NALF1: variants seen among roughly 807,000 people sequenced by gnomAD.
The protein encoded by NALF1 is family with sequence similarity 155 member A.
NALF1 carries 3 observed loss-of-function variants against 48.4 expected under a neutral mutation model. That is an observed-to-expected ratio of 0.06 (90% CI 0.03 to 0.16). NALF1 has a LOEUF of 0.16. Among genes scored for constraint, NALF1 ranks in the 10% least tolerant of loss-of-function variants. The pLI is 1.00. For synonymous variants in NALF1, 262 were observed against 245.7 expected, an observed-to-expected ratio of 1.07 and a Z score of -0.62; for missense variants, 526 against 571.5, an observed-to-expected ratio of 0.92 and a Z score of 0.81.
chr13:107,220,878 G>T (rs898715092), intron 1 of NALF1, among the ~76,000 whole-genome samples: 2 of 151,978 alleles, frequency 1.3e-5, no homozygotes, highest in African/African-American at 2.4e-5. Context: ...GAAAGAGAGG[G>T]AGGAAGGGCA....
At chr13:107,511,547 G>A (rs549304737) in intron 1 of NALF1, among the ~76,000 whole-genome samples, 1 of 152,084 alleles carries the variant, frequency 6.6e-6, no homozygotes, top group Non-Finnish European at 1.5e-5. Flanking sequence ...GTCTGCTACG[G>A]TGAGCTCAGT....
intron 1 of NALF1, among the ~76,000 whole-genome samples, chr13:107,475,671 AAACT>A (rs1885167036): frequency 1.3e-5 from 2 of 152,202 alleles, no homozygotes; most frequent in Admixed American, 1.3e-4. Context: ...TGAACTAATA[AAACT>A]AGGCATAATT....
intron 1 of NALF1, among the ~76,000 whole-genome samples, chr13:107,711,892 C>T (rs1009958934): frequency 6.6e-6 from 1 of 152,138 alleles, no homozygotes; most frequent in African/African-American, 2.4e-5. Context: ...TTGATAACAA[C>T]AGACTAGTTC....
intron 1 of NALF1, among the ~76,000 whole-genome samples, chr13:107,638,363 T>A (rs891686826): frequency 6.6e-6 from 1 of 151,830 alleles, no homozygotes; most frequent in Admixed American, 6.6e-5. Context: ...AGTGGAGAAC[T>A]CCCACTGAGT....
intron 1 of NALF1, among the ~76,000 whole-genome samples, chr13:107,253,075 T>G (rs971448778): frequency 6.6e-6 from 1 of 152,130 alleles, no homozygotes; most frequent in Non-Finnish European, 1.5e-5. Context: ...TTAGTGAGTA[T>G]GAAATGTAAA....
intron 1 of NALF1, among the ~76,000 whole-genome samples, chr13:107,353,568 TAAG>T (rs1031316123): frequency 7.9e-5 from 12 of 152,206 alleles, no homozygotes; most frequent in African/African-American, 2.9e-4. Flanking sequence ...TCGAAATTCA[TAAG>T]AAGTTCATAA....
At chr13:107,820,082 A>AC (rs1879322211) in intron 1 of NALF1, among the ~76,000 whole-genome samples, 1 of 152,060 alleles carries the variant, frequency 6.6e-6, no homozygotes, top group African/African-American at 2.4e-5. Context: ...AGGAGGTAGA[A>AC]CCCCAAGTAC....
At chr13:107,741,976 T>C (rs1876650464) in intron 1 of NALF1, among the ~76,000 whole-genome samples, 1 of 152,164 alleles carries the variant, frequency 6.6e-6, no homozygotes, top group African/African-American at 2.4e-5. Flanking sequence ...TGGCTAATAA[T>C]AACAATAACA....
At chr13:107,336,773 T>G (rs1446432067) in intron 1 of NALF1, among the ~76,000 whole-genome samples, 3 of 152,264 alleles carry the variant, frequency 2.0e-5, no homozygotes, top group East Asian at 1.9e-4. Context: ...AAATTTAGGT[T>G]CATAAATGAG....
At chr13:107,470,771 A>C (rs1262484555) in intron 1 of NALF1, among the ~76,000 whole-genome samples, 1 of 152,182 alleles carries the variant, frequency 6.6e-6, no homozygotes, top group Non-Finnish European at 1.5e-5. Flanking sequence ...GGAGTCAGAT[A>C]ATGATTTTAT....
chr13:107,450,378 G>A (rs1285054979), intron 1 of NALF1, among the ~76,000 whole-genome samples: 1 of 152,178 alleles, frequency 6.6e-6, no homozygotes, highest in African/African-American at 2.4e-5. Flanking sequence ...CAGCATGGGA[G>A]GGAGTGGTCA....
At chr13:107,419,620 A>G (rs1490893090) in intron 1 of NALF1, among the ~76,000 whole-genome samples, 2 of 152,152 alleles carry the variant, frequency 1.3e-5, no homozygotes, top group Non-Finnish European at 2.9e-5. Context: ...CCTCTGTAAA[A>G]ACTACGATTC....
At position 107,657,839 on chromosome 13, in the gene NALF1, T is replaced by A. The variant is rs1880624230; in HGVS notation, c.915+207843A>T. Among the ~76,000 whole-genome samples the A allele has an allele frequency of 2.0e-5, 3 of 152,216 alleles. No individual in the cohort carries two copies. The South Asian group carries it at 6.2e-4, about 31-fold the overall frequency. ...GATTGCTCACCCATTTACATTTTCC[T>A]GGTGCACGGTTCCGTCTGACACTTT... On this transcript the variant is annotated intron_variant, in intron 1 of 2. Transcript: ENST00000375915.
intron 1 of NALF1, among the ~76,000 whole-genome samples, chr13:107,517,179 C>T (rs1876082076): frequency 6.6e-6 from 1 of 151,908 alleles, no homozygotes; most frequent in African/African-American, 2.4e-5. Context: ...CTATTTGGTA[C>T]AAAACCTATT....
At chr13:107,468,005 G>A (rs1047980693) in intron 1 of NALF1, among the ~76,000 whole-genome samples, 2 of 145,384 alleles carry the variant, frequency 1.4e-5, no homozygotes, top group Non-Finnish European at 3.0e-5. Flanking sequence ...CTGAGATCGC[G>A]CCACTGCCCT....
intron 1 of NALF1, among the ~76,000 whole-genome samples, chr13:107,618,866 A>G (rs1879452478): frequency 6.6e-6 from 1 of 152,198 alleles, no homozygotes; most frequent in Admixed American, 6.5e-5. Flanking sequence ...GAGATGGGCT[A>G]AGATATAGGA....
chr13:107,771,017 G>A (rs1159839648), intron 1 of NALF1, among the ~76,000 whole-genome samples: 4 of 152,060 alleles, frequency 2.6e-5, no homozygotes, highest in African/African-American at 9.7e-5. Flanking sequence ...AAAATCACCT[G>A]ACATGTTTCC....
intron 1 of NALF1, among the ~76,000 whole-genome samples, chr13:107,589,177 T>G (rs1480331476): frequency 6.6e-6 from 1 of 152,078 alleles, no homozygotes; most frequent in African/African-American, 2.4e-5. Context: ...GTTTATCTTG[T>G]GTCCTTTCTT....
rs190996300 is a variant in NALF1, at chr13:107,841,759, G to A, written c.915+23923C>T. 1.7e-3 allele frequency among the ~76,000 whole-genome samples: 263 copies of A among 151,842 alleles called. 1 individual carries two copies. Among genetic ancestry groups the A allele is most frequent in the Admixed American group, 6.3e-3 (96 of 15,240 alleles). On this transcript the variant is annotated intron_variant, in intron 1 of 2. Transcript: ENST00000375915. ...TACACTGCCGTAGGGAAAGCATATT[G>A]TTTAAATAAGTTATGAAAAAGAAGT...
Sources: allele counts gnomAD v4.1 joint callset (sites outside exome capture counted in the v4.1 genomes callset), GRCh38; gene constraint gnomAD v4.1.1; transcripts MANE v1.5; gene names NCBI Gene and HGNC (gene_info 2026-07-23, HGNC 2026-07-21).